TTC28: variants seen among roughly 807,000 people sequenced by gnomAD.
TTC28 encodes the protein tetratricopeptide repeat protein 28.
TTC28 carries 61 observed loss-of-function variants against 198.0 expected under a neutral mutation model. That is an observed-to-expected ratio of 0.31 (90% CI 0.25 to 0.38). The LOEUF is 0.38. Among genes scored for constraint, TTC28 ranks in the 10% least tolerant of loss-of-function variants. TTC28 has a pLI of 1.00. For synonymous variants in TTC28, 1,171 were observed against 1,297.8 expected (o/e 0.90, Z 2.10); for missense variants, 2,678 against 3,164.0 (o/e 0.85, Z 3.69).
chr22:28,050,250 G>T (rs1228424723), intron 12 of TTC28, among the ~76,000 whole-genome samples: 2 of 152,146 alleles, frequency 1.3e-5, no homozygotes, highest in Non-Finnish European at 2.9e-5. Flanking sequence ...TAAGGGCTCA[G>T]AAGCTGCCTA....
chr22:28,254,313 A>G (rs1489802397), intron 5 of TTC28, among the ~76,000 whole-genome samples: 1 of 152,176 alleles, frequency 6.6e-6, no homozygotes, highest in African/African-American at 2.4e-5. Context: ...GAGAATGTAG[A>G]GAAAACCACA....
At chr22:28,192,665 T>A (rs28865637) in intron 5 of TTC28, among the ~76,000 whole-genome samples, 1 of 151,848 alleles carries the variant, frequency 6.6e-6, no homozygotes, top group Admixed American at 6.6e-5. Context: ...CAGCAGCCGA[T>A]TCAATCAAGT....
intron 2 of TTC28, among the ~76,000 whole-genome samples, chr22:28,410,835 T>C (rs2047069525): frequency 6.6e-6 from 1 of 152,200 alleles, no homozygotes; most frequent in Non-Finnish European, 1.5e-5. Context: ...GCAAATAACA[T>C]GAATTTATAA....
chr22:28,124,371 T>C (rs1224142665), intron 6 of TTC28, among the ~76,000 whole-genome samples: 1 of 152,218 alleles, frequency 6.6e-6, no homozygotes, highest in African/African-American at 2.4e-5. Flanking sequence ...GATGATAGAA[T>C]GATAATATAT....
chr22:28,678,452 T>TCA (rs1264594784), intron 1 of TTC28, among the ~76,000 whole-genome samples: 1 of 152,168 alleles, frequency 6.6e-6, no homozygotes, highest in Non-Finnish European at 1.5e-5. Context: ...CACTACAGCC[T>TCA]CAAGCCCCTG....
At chr22:28,112,169 T>G (rs1260174038) in intron 6 of TTC28, among the ~76,000 whole-genome samples, 1 of 152,182 alleles carries the variant, frequency 6.6e-6, no homozygotes, top group East Asian at 1.9e-4. Context: ...AAGACATAGC[T>G]TGAGAAACAT....
chr22:28,318,529 CTCTTCAGAG>C (rs1182628250), intron 2 of TTC28, among the ~76,000 whole-genome samples: 2 of 152,298 alleles, frequency 1.3e-5, no homozygotes, highest in South Asian at 2.1e-4. Flanking sequence ...CTACCATTTA[CTCTTCAGAG>C]TCTTCAGAAA....
At chr22:28,268,969 T>A (rs902573094) in intron 5 of TTC28, among the ~76,000 whole-genome samples, 1 of 152,232 alleles carries the variant, frequency 6.6e-6, no homozygotes, top group African/African-American at 2.4e-5. Context: ...ATAAAGAAAG[T>A]ACGCTATATC....
chr22:28,642,451 A>C (rs954798373), intron 1 of TTC28, among the ~76,000 whole-genome samples: 7 of 152,026 alleles, frequency 4.6e-5, no homozygotes, highest in Admixed American at 1.3e-4. Flanking sequence ...AAAACAACAA[A>C]AAAAAAACAC....
chr22:28,376,260 G>C (rs188340868), intron 2 of TTC28, among the ~76,000 whole-genome samples: 1 of 152,306 alleles, frequency 6.6e-6, no homozygotes, highest in Admixed American at 6.5e-5. Flanking sequence ...GCTCAGACTG[G>C]TGTAAGCTAT....
At chr22:28,104,171 C>G (rs761322) in intron 8 of TTC28, among the ~76,000 whole-genome samples, 10,105 of 152,160 alleles carry the variant, frequency 0.066, 396 homozygotes, top group South Asian at 0.088. Context: ...GGAGTAAAAG[C>G]GGGTAGGATG....
intron 2 of TTC28, among the ~76,000 whole-genome samples, chr22:28,569,507 CAGA>C (rs1382209287): frequency 6.6e-6 from 1 of 151,956 alleles, no homozygotes; most frequent in East Asian, 1.9e-4. Flanking sequence ...TAGTCATATG[CAGA>C]AGATTGAAAG....
chr22:27,992,431 G>A lies in TTC28; in HGVS notation c.5553+156C>T, dbSNP rs1192196770. The stretch of plus-strand genomic sequence containing the variant: ...AGGTAAACAGCACTTGCCAGGCAGG[G>A]CTATTCTCTTACTCCCGGCCCTCAC... On this transcript the variant is annotated intron_variant, in intron 19 of 22. Coordinates refer to ENST00000397906, the MANE Select transcript of TTC28 (RefSeq NM_001145418.2). 3 of 748,630 alleles carry A rather than the reference G, an allele frequency of 4.0e-6. No homozygotes were observed. The African/African-American group carries it at 5.3e-5, about 13-fold the overall frequency. The allele number at this position is 748,630 out of a possible 1,614,324, so 46.4% of individuals were successfully genotyped here.
chr22:28,377,676 A>G (rs1360388011), intron 2 of TTC28, among the ~76,000 whole-genome samples: 1 of 152,178 alleles, frequency 6.6e-6, no homozygotes. Context: ...GTCCTAACAA[A>G]CATTAAAAGC....
intron 2 of TTC28, among the ~76,000 whole-genome samples, chr22:28,571,877 G>C (rs902578449): frequency 6.6e-6 from 1 of 151,658 alleles, no homozygotes; most frequent in Non-Finnish European, 1.5e-5. Flanking sequence ...GAACCCGGGA[G>C]GCAGAGGGTT....
At chr22:28,548,131 C>G (rs2049583049) in intron 2 of TTC28, among the ~76,000 whole-genome samples, 1 of 152,112 alleles carries the variant, frequency 6.6e-6, no homozygotes, top group African/African-American at 2.4e-5. Context: ...TCTAAGCACT[C>G]CATGTTTTTG....
At chr22:28,263,646 G>T (rs1260466505) in intron 5 of TTC28, among the ~76,000 whole-genome samples, 1 of 152,102 alleles carries the variant, frequency 6.6e-6, no homozygotes, top group Non-Finnish European at 1.5e-5. Context: ...TAATAGTATA[G>T]TATTGTGCAT....
At chr22:28,492,575 A>G (rs900015910) in intron 2 of TTC28, among the ~76,000 whole-genome samples, 1 of 152,208 alleles carries the variant, frequency 6.6e-6, no homozygotes, top group Non-Finnish European at 1.5e-5. Flanking sequence ...TGTAAAGTCA[A>G]TGAACAAGTG....
At chr22:28,065,140 G>C (rs1940703006) in intron 12 of TTC28, among the ~76,000 whole-genome samples, 2 of 152,072 alleles carry the variant, frequency 1.3e-5, no homozygotes, top group South Asian at 4.2e-4. Context: ...AACCTCATTG[G>C]GTCAGCCAGG....
Sources: gnomAD v4.1 joint callset for allele counts (sites outside exome capture counted in the v4.1 genomes callset) on GRCh38, gnomAD v4.1.1 for gene constraint, MANE v1.5 for transcripts, NCBI Gene and HGNC (gene_info 2026-07-23, HGNC 2026-07-21) for gene names.